The following KIF11 variants were observed in gnomAD, a reference collection of about 807,000 sequenced individuals.
The protein encoded by KIF11 is kinesin-like protein KIF11.
A neutral mutation model predicts 121.0 loss-of-function variants in KIF11; 9 were observed. That is an observed-to-expected ratio of 0.07 (90% CI 0.04 to 0.13). KIF11 has a LOEUF of 0.13. Ranked by LOEUF, KIF11 falls within the 10% of genes least tolerant of loss-of-function variation. The pLI is 1.00. For synonymous variants in KIF11, 408 were observed against 421.0 expected (o/e 0.97, Z 0.38); for missense variants, 846 against 1,217.5 (o/e 0.69, Z 4.54).
At chr10:92,623,339 A>G (rs1206519877) in intron 10 of KIF11, among the ~76,000 whole-genome samples, 1 of 152,188 alleles carries the variant, frequency 6.6e-6, no homozygotes, top group East Asian at 1.9e-4. Flanking sequence ...TAAAACAACA[A>G]TAATAACAGA....
chr10:92,635,584 T>C (rs1844786688), intron 14 of KIF11, among the ~76,000 whole-genome samples: 1 of 152,166 alleles, frequency 6.6e-6, no homozygotes, highest in African/African-American at 2.4e-5. Context: ...ATTACAATAG[T>C]AACATCAAAG....
At position 92,613,874 on chromosome 10, in the gene KIF11, G is replaced by C. The variant is rs1038965918; in HGVS notation, c.1032+255G>C. Among the ~76,000 whole-genome samples, 1 of 151,682 alleles carries C rather than the reference G, an allele frequency of 6.6e-6. No individual in the cohort carries two copies. Among genetic ancestry groups the C allele is most frequent in the East Asian group, 1.9e-4 (1 of 5,160 alleles). On this transcript the variant is annotated intron_variant, in intron 8 of 21. Transcript: ENST00000260731. The surrounding 1 kb of genome is among the most constrained non-coding windows in gnomAD (Gnocchi z 4.2). ...AACTGTGGTCCCAGCTACTTGGGGGGCTGAGGTGGGAGGATCACTTAAGCC... is the reference window on the plus strand; with the variant it reads ...AACTGTGGTCCCAGCTACTTGGGGGCCTGAGGTGGGAGGATCACTTAAGCC...
At chr10:92,642,464 T>G (rs540455959) in intron 17 of KIF11, among the ~76,000 whole-genome samples, 1 of 152,370 alleles carries the variant, frequency 6.6e-6, no homozygotes, top group East Asian at 1.9e-4. Context: ...GTCACTTTGA[T>G]CAAGTTGATT....
chr10:92,639,982 A>C (rs1264029344), intron 17 of KIF11, 82 bp downstream of exon 17: 5 of 703,600 alleles, frequency 7.1e-6, no homozygotes, highest in Non-Finnish European at 1.2e-5. Flanking sequence ...AGTACAAATA[A>C]TTCCTCTGTG....
In KIF11 at chr10:92,613,660, A is replaced by C; in HGVS notation, c.1032+41A>C. On this transcript the variant is annotated intron_variant, in intron 8 of 21. Coordinates refer to ENST00000260731, the MANE Select transcript of KIF11 (RefSeq NM_004523.4). The surrounding 1 kb of genome is among the most constrained non-coding windows in gnomAD (Gnocchi z 4.2). ...GGAAGCTGCAAGTGTAGTAGCTGTA[A>C]TTCTTATTTGGCTATTATATATTTT... 6.4e-7 allele frequency: 1 copy of C among 1,556,358 alleles called. No homozygotes were observed. Among genetic ancestry groups the C allele is most frequent in the Non-Finnish European group, 8.7e-7 (1 of 1,150,004 alleles).
rs563970874 is a variant in KIF11, at chr10:92,654,955, C to A, written c.*1159C>A. On this transcript the variant is annotated 3_prime_UTR_variant, in exon 22 of 22. Transcript: ENST00000260731. ...TCCAATTATGTCTATAATTTATATT[C>A]TTTTGTTTACATGATGAAACTTTTT... 3 of 152,610 alleles carry A rather than the reference C, an allele frequency of 2.0e-5. No homozygotes were observed. Among genetic ancestry groups the A allele is most frequent in the African/African-American group, 7.2e-5 (3 of 41,514 alleles). 9.5% of individuals were successfully genotyped at this position (152,610 alleles called of 1,614,324 possible). A position where few individuals can be genotyped will look rare whatever the true frequency, so the allele number is the denominator to read the frequency against.
At chr10:92,615,046 T>G (rs1214191307) in intron 8 of KIF11, among the ~76,000 whole-genome samples, 1 of 151,548 alleles carries the variant, frequency 6.6e-6, no homozygotes, top group Non-Finnish European at 1.5e-5. Flanking sequence ...TCCTCCTACC[T>G]CAGCCTCCCA....
intron 1 of KIF11, chr10:92,596,956 G>T: frequency 2.8e-6 from 1 of 362,414 alleles, no homozygotes; most frequent in Non-Finnish European, 5.6e-6. Context: ...GGCCTACCCA[G>T]CACCATACAG....
rs942635075 is a variant in KIF11 at position 92,655,161 on chromosome 10, G to C, written c.*1365G>C. 11 of 152,704 alleles carry C rather than the reference G, an allele frequency of 7.2e-5. 1 individual carries two copies. In the South Asian group the frequency reaches 2.3e-3, roughly 32 times the overall value. 9.5% of individuals were successfully genotyped at this position (152,704 alleles called of 1,614,324 possible). A position where few individuals can be genotyped will look rare whatever the true frequency, so the allele number is the denominator to read the frequency against. ...AAAGAATAAATTTTCTGCTCACGAT[G>C]AGTTTAGTGTGTAAAGTTTAGAGAC... On this transcript the variant is annotated 3_prime_UTR_variant, in exon 22 of 22. Transcript: ENST00000260731.
chr10:92,625,440 C>A (rs1466681520), intron 10 of KIF11, among the ~76,000 whole-genome samples: 1 of 151,786 alleles, frequency 6.6e-6, no homozygotes, highest in Non-Finnish European at 1.5e-5. Context: ...CCTCCACCTC[C>A]TGGGTTCAAG....
At position 92,653,807 on chromosome 10, in the gene KIF11, G is replaced by A; in HGVS notation, c.*11G>A. 1.9e-6 allele frequency: 3 copies of A among 1,594,066 alleles called. No homozygotes were observed. The East Asian group carries it at 6.7e-5, about 36-fold the overall frequency. On this transcript the variant is annotated 3_prime_UTR_variant, in exon 22 of 22. Transcript: ENST00000260731. ...CAGATCAACCTTTAATTCACTTGGG[G>A]GTTGGCAATTTTATTTTTAAAGAAA...
In KIF11 at chr10:92,650,481, G is replaced by A. The variant is rs772356871; in HGVS notation, c.3003G>A (p.Val1001=). 11 of 1,612,944 alleles carry A rather than the reference G, an allele frequency of 6.8e-6. No individual in the cohort carries two copies. Among genetic ancestry groups the A allele is most frequent in the Non-Finnish European group, 9.3e-6 (11 of 1,179,142 alleles). The change falls in exon 21 of 22, where the codon GTG becomes GTA. Residue 1001 remains valine, a synonymous_variant. Coordinates refer to ENST00000260731, the MANE Select transcript of KIF11 (RefSeq NM_004523.4). ...LSQEPSVDAG[V]DCSSIGGVPF... ...AAGAGCCATCTGTAGATGCTGGTGT[G>A]GATTGTTCATCAATTGGCGGGGTTC...
chr10:92,604,454 T>C (rs1179077233), intron 1 of KIF11, among the ~76,000 whole-genome samples: 1 of 152,236 alleles, frequency 6.6e-6, no homozygotes, highest in African/African-American at 2.4e-5. Context: ...TCAGTATAAG[T>C]TGGTTCTACC....
At chr10:92,628,968 T>A in intron 11 of KIF11, 73 bp downstream of exon 11, 53 of 669,352 alleles carry the variant, frequency 7.9e-5, no homozygotes, top group Middle Eastern at 4.2e-4. Flanking sequence ...ATGAAAGATC[T>A]AATATTTTTT....
chr10:92,596,031 T>G (rs1844291697), intron 1 of KIF11, among the ~76,000 whole-genome samples: 1 of 152,208 alleles, frequency 6.6e-6, no homozygotes, highest in African/African-American at 2.4e-5. Context: ...AGACCGAGTC[T>G]CGCTCTGTTG....
chr10:92,645,198 C>T (rs1443915487), intron 17 of KIF11, among the ~76,000 whole-genome samples, 165 bp from the exon 18 acceptor site: 3 of 152,172 alleles, frequency 2.0e-5, no homozygotes, highest in Non-Finnish European at 2.9e-5. Context: ...AAGACAGTGG[C>T]CAAGGCATCC....
chr10:92,650,020 T>C, intron 20 of KIF11, 34 bp downstream of exon 20: 1 of 1,524,360 alleles, frequency 6.6e-7, no homozygotes, highest in Non-Finnish European at 9.0e-7. Flanking sequence ...ATAATAGAAC[T>C]CTTTTATGAA....
intron 12 of KIF11, among the ~76,000 whole-genome samples, chr10:92,630,883 AAAG>A (rs1844730981): frequency 6.9e-6 from 1 of 145,086 alleles, no homozygotes; most frequent in African/African-American, 2.5e-5. Context: ...AAAAAAAAAA[AAAG>A]AAAATAGAAC....
chr10:92,652,360 G>A (rs1589609955), intron 21 of KIF11, among the ~76,000 whole-genome samples: 1 of 152,026 alleles, frequency 6.6e-6, no homozygotes. Flanking sequence ...GGCTAATCTT[G>A]AACTCCCGAC....
Sources: gnomAD v4.1 joint callset for allele counts (sites outside exome capture counted in the v4.1 genomes callset) on GRCh38, gnomAD v4.1.1 for gene constraint, Gnocchi (gnomAD v3.1) non-coding constraint, MANE v1.5 for transcripts, NCBI Gene and HGNC (gene_info 2026-07-23, HGNC 2026-07-21) for gene names.